Variants in IRS1 observed in about 807,000 individuals in gnomAD.
IRS1 encodes insulin receptor substrate 1.
In IRS1, 34 loss-of-function variants were observed where a neutral mutation model predicts 65.6. The observed-to-expected ratio is 0.52, with a 90% CI of 0.39 to 0.69. The LOEUF (loss-of-function observed/expected upper bound fraction) is 0.69, where lower values mean the gene tolerates loss of function less well. IRS1 is among the 30% of genes least tolerant of loss of function. The pLI is 0.00. For missense variants in IRS1, 1,641 were observed against 1,720.2 expected (o/e 0.95, Z 0.81); for synonymous variants, 699 against 683.5 (o/e 1.02, Z -0.35).
rs190112971 is a variant in IRS1, at chr2:226,768,732, G to A, written c.*21+26257C>T. ...GCTCGCTGCAACCCCCACCTCCTGGGCTCAAGCAATTCTCCTGCCTCAGCC... is the reference window on the plus strand; with the variant it reads ...GCTCGCTGCAACCCCCACCTCCTGGACTCAAGCAATTCTCCTGCCTCAGCC... On this transcript the variant is annotated intron_variant, in intron 1 of 1. Transcript: ENST00000305123. 4.3e-3 allele frequency among the ~76,000 whole-genome samples: 647 copies of A among 152,208 alleles called. 3 individuals are homozygous for A. Among genetic ancestry groups the A allele is most frequent in the African/African-American group, 0.015 (620 of 41,536 alleles).
At chr2:226,792,976 G>GCA (rs565513667) in intron 1 of IRS1, among the ~76,000 whole-genome samples, 3 of 152,194 alleles carry the variant, frequency 2.0e-5, no homozygotes, top group Non-Finnish European at 4.4e-5. Flanking sequence ...CTGGCACTGT[G>GCA]CAAAGCATGG....
chr2:226,791,141 G>A (rs982113297), intron 1 of IRS1, among the ~76,000 whole-genome samples: 1 of 152,124 alleles, frequency 6.6e-6, no homozygotes, highest in Admixed American at 6.5e-5. Flanking sequence ...ATGGAGCCTA[G>A]GGCACTTTCA....
intron 1 of IRS1, among the ~76,000 whole-genome samples, chr2:226,750,358 G>A (rs887230753): frequency 2.0e-5 from 3 of 151,594 alleles, no homozygotes; most frequent in African/African-American, 7.3e-5. Flanking sequence ...TCCCAAATCA[G>A]TAAAATCTTA....
intron 1 of IRS1, among the ~76,000 whole-genome samples, chr2:226,760,166 C>T (rs1938887353): frequency 1.3e-5 from 2 of 151,868 alleles, no homozygotes; most frequent in African/African-American, 2.4e-5. Context: ...CAAAGTGAGA[C>T]CCTGTCTCAG....
intron 1 of IRS1, among the ~76,000 whole-genome samples, chr2:226,788,903 A>G (rs1435710970): frequency 6.6e-6 from 1 of 152,192 alleles, no homozygotes; most frequent in East Asian, 1.9e-4. Context: ...GAAGGAATAA[A>G]TCAGTTACAT....
At chr2:226,749,942 T>A (rs1458272322) in intron 1 of IRS1, among the ~76,000 whole-genome samples, 1 of 152,098 alleles carries the variant, frequency 6.6e-6, no homozygotes, top group African/African-American at 2.4e-5. Context: ...TGTGTGGTAT[T>A]GTTGACTTAG....
intron 1 of IRS1, among the ~76,000 whole-genome samples, chr2:226,759,187 T>G (rs1011566188): frequency 4.6e-5 from 7 of 152,272 alleles, no homozygotes; most frequent in African/African-American, 1.7e-4. Context: ...CATGTGGTTT[T>G]GAAAGACAAT....
intron 1 of IRS1, among the ~76,000 whole-genome samples, chr2:226,759,276 C>G (rs1489858354): frequency 6.6e-6 from 1 of 152,206 alleles, no homozygotes; most frequent in African/African-American, 2.4e-5. Context: ...GAAAAATTCT[C>G]TCTACAAAGG....
In IRS1 at chr2:226,763,508, G is replaced by A. The variant is rs190347565; in HGVS notation, c.*22-27258C>T. On this transcript the variant is annotated intron_variant, in intron 1 of 1. Coordinates refer to ENST00000305123, the MANE Select transcript of IRS1 (RefSeq NM_005544.3). ...ACGTGAAAATGAAACGAGCAATCCA[G>A]GGAGCTTGAATTTCAAGGCTATTTT... Among the ~76,000 whole-genome samples the A allele has an allele frequency of 3.9e-4, 60 of 152,280 alleles. 1 individual carries two copies. Among genetic ancestry groups the A allele is most frequent in the Admixed American group, 2.6e-3 (39 of 15,294 alleles).
Position 226,799,376 on chromosome 2 carries a change from G to A in IRS1, c.-638C>T. ...TGCGGCTGTTGCTGTTGCTGCTGCT[G>A]CTGCTGCTGCTGCTGCCGCCGCCCG... On this transcript the variant is annotated 5_prime_UTR_variant, in exon 1 of 2. It introduces an in-frame stop codon into an upstream open reading frame of the 5' UTR. Coordinates refer to ENST00000305123, the MANE Select transcript of IRS1 (RefSeq NM_005544.3). The surrounding 1 kb of genome is among the most constrained non-coding windows in gnomAD (Gnocchi z 6.1). 1 of 1,266,094 alleles carries A rather than the reference G, an allele frequency of 7.9e-7. No homozygotes were observed. Among genetic ancestry groups the A allele is most frequent in the Non-Finnish European group, 1.0e-6 (1 of 972,000 alleles). The allele number at this position is 1,266,094 out of a possible 1,614,324, so 78.4% of individuals were successfully genotyped here.
Position 226,799,392 on chromosome 2 carries a change from C to T in IRS1, c.-654G>A. On this transcript the variant is annotated 5_prime_UTR_variant, in exon 1 of 2. Transcript: ENST00000305123. The surrounding 1 kb of genome is among the most constrained non-coding windows in gnomAD (Gnocchi z 6.1). ...GCTGCTGCTGCTGCTGCTGCTGCTGCCGCCGCCCGCGGGCGCGTCCTCTGC... is the reference window on the plus strand; with the variant it reads ...GCTGCTGCTGCTGCTGCTGCTGCTGTCGCCGCCCGCGGGCGCGTCCTCTGC... 1 of 1,267,148 alleles carries T rather than the reference C, an allele frequency of 7.9e-7. No individual in the cohort carries two copies. Among genetic ancestry groups the T allele is most frequent in the South Asian group, 1.3e-5 (1 of 77,322 alleles). The allele number at this position is 1,267,148 out of a possible 1,614,324, so 78.5% of individuals were successfully genotyped here.
chr2:226,751,330 C>A (rs1353349128), intron 1 of IRS1, among the ~76,000 whole-genome samples: 2 of 128,666 alleles, frequency 1.6e-5, no homozygotes, highest in African/African-American at 3.0e-5. Context: ...GTCGCCCAGG[C>A]TGGAGTGCAG....
At position 226,735,737 on chromosome 2, in the gene IRS1, A is replaced by T. The variant is rs1938312287; in HGVS notation, c.*535T>A. 1 of 152,432 alleles carries T rather than the reference A, an allele frequency of 6.6e-6. No homozygotes were observed. Among genetic ancestry groups the T allele is most frequent in the South Asian group, 2.1e-4 (1 of 4,824 alleles). The allele number at this position is 152,432 out of a possible 1,614,324, so 9.4% of individuals were successfully genotyped here. A position where few individuals can be genotyped will look rare whatever the true frequency, so the allele number is the denominator to read the frequency against. ...CATTGTATACCTCCATCCCACATCC[A>T]AAAAAAAGATGTGCTGTAAGAAAAG... On this transcript the variant is annotated 3_prime_UTR_variant, in exon 2 of 2. Coordinates refer to ENST00000305123, the MANE Select transcript of IRS1 (RefSeq NM_005544.3).
At position 226,731,598 on chromosome 2, in the gene IRS1, A is replaced by G. The variant is rs530690231; in HGVS notation, c.*4674T>C. 15 of 152,360 alleles carry G rather than the reference A, an allele frequency of 9.8e-5. No homozygotes were observed. In the South Asian group the frequency reaches 1.2e-3, roughly 13 times the overall value. The allele number at this position is 152,360 out of a possible 1,614,324, so 9.4% of individuals were successfully genotyped here. On this transcript the variant is annotated 3_prime_UTR_variant, in exon 2 of 2. Transcript: ENST00000305123. ...CATAATACATGTTATAAACATATAT[A>G]CAGTAAATGTTTTGGTAGCAATACA...
At chr2:226,782,224 C>A (rs1046208123) in intron 1 of IRS1, among the ~76,000 whole-genome samples, 6 of 152,064 alleles carry the variant, frequency 3.9e-5, no homozygotes, top group African/African-American at 1.4e-4. Flanking sequence ...CCTCTTGGCT[C>A]CCCTCCATGA....
Position 226,798,121 on chromosome 2 carries a change from C to T in IRS1, c.618G>A (p.Leu206=). 5 of 1,614,000 alleles carry T rather than the reference C, an allele frequency of 3.1e-6. No homozygotes were observed. Among genetic ancestry groups the T allele is most frequent in the African/African-American group, 1.3e-5 (1 of 75,056 alleles). Residue 206 remains leucine, a synonymous_variant, in exon 1 of 2, where the codon CTG becomes CTA. Transcript: ENST00000305123. This position sits in a 1 kb window ranked among gnomAD's most constrained non-coding sequence, Gnocchi z 9.4. ...CACAGCGCCTGATGTTCATCAGCTG[C>T]AGCACCACGGCCGCTGCCTCCGAGT... is the stretch of plus-strand genomic sequence containing the variant. ...KLNSEAAAVV[L]QLMNIRRCGH...
intron 1 of IRS1, among the ~76,000 whole-genome samples, chr2:226,789,458 T>C (rs1939548454): frequency 6.6e-6 from 1 of 152,198 alleles, no homozygotes; most frequent in South Asian, 2.1e-4. Context: ...ATTGAGTTGT[T>C]TCATACACCT....
At position 226,732,639 on chromosome 2, in the gene IRS1, T is replaced by C; in HGVS notation, c.*3633A>G. Reference sequence around the variant, plus strand: ...ACATCCCACACACACGTCACATATATATACACACACACAAAGACACACACA... The same window carrying C: ...ACATCCCACACACACGTCACATATACATACACACACACAAAGACACACACA... On this transcript the variant is annotated 3_prime_UTR_variant, in exon 2 of 2. Transcript: ENST00000305123. The C allele has an allele frequency of 6.6e-6, 1 of 150,752 alleles. No individual in the cohort carries two copies. The highest frequency in any genetic ancestry group is 1.5e-5 in the Non-Finnish European group (1 of 67,796). 9.3% of individuals were successfully genotyped at this position (150,752 alleles called of 1,614,324 possible).
At chr2:226,766,140 TATATATATATA>T (rs1335494076) in intron 1 of IRS1, among the ~76,000 whole-genome samples, 59 of 4,242 alleles carry the variant, frequency 0.014, 6 homozygotes, top group Non-Finnish European at 0.033. Context: ...TATATATATA[TATATATATATA>T]TATATATATA....
Sources: allele counts gnomAD v4.1 joint callset (sites outside exome capture counted in the v4.1 genomes callset), GRCh38; gene constraint gnomAD v4.1.1; non-coding constraint Gnocchi (gnomAD v3.1); transcripts MANE v1.5; gene names NCBI Gene and HGNC (gene_info 2026-07-23, HGNC 2026-07-21).